Variants in ERC2 observed in about 807,000 individuals in gnomAD.
The protein encoded by ERC2 is ERC protein 2.
A neutral mutation model predicts 114.8 loss-of-function variants in ERC2; 42 were observed. That is an observed-to-expected ratio of 0.37 (90% CI 0.29 to 0.47). ERC2 has a LOEUF of 0.47. Among genes scored for constraint, ERC2 ranks in the 20% least tolerant of loss-of-function variants. The probability of loss-of-function intolerance (pLI) is 0.99; values close to 1 mark genes in which losing one functional copy is unlikely to be tolerated. For missense variants in ERC2, 939 were observed against 1,150.7 expected, an observed-to-expected ratio of 0.82 and a Z score of 2.66; for synonymous variants, 454 against 425.5, an observed-to-expected ratio of 1.07 and a Z score of -0.82.
At chr3:55,623,264 A>G (rs1449966802) in intron 17 of ERC2, among the ~76,000 whole-genome samples, 1 of 152,200 alleles carries the variant, frequency 6.6e-6, no homozygotes, top group Admixed American at 6.5e-5. Context: ...GAATTAATAC[A>G]TGAAGACAGT....
At chr3:55,937,678 G>C (rs1400159527) in intron 13 of ERC2, among the ~76,000 whole-genome samples, 1 of 152,224 alleles carries the variant, frequency 6.6e-6, no homozygotes, top group Non-Finnish European at 1.5e-5. Flanking sequence ...CACATGTTGT[G>C]TAATAAATGA....
intron 14 of ERC2, among the ~76,000 whole-genome samples, chr3:55,848,714 G>T (rs1405190303): frequency 6.6e-6 from 1 of 152,142 alleles, no homozygotes; most frequent in Non-Finnish European, 1.5e-5. Flanking sequence ...CCCTGATTAT[G>T]GAAGGGAAGT....
At chr3:55,610,064 C>CAAAAAAAAAAAAAAAAAAAAAAA (rs36088271) in intron 17 of ERC2, among the ~76,000 whole-genome samples, 10 of 118,704 alleles carry the variant, frequency 8.4e-5, no homozygotes, top group Non-Finnish European at 1.4e-4. Context: ...CAAACACAAA[C>CAAAAAAAAAAAAAAAAAAAAAAA]AAAAAAAAAA....
At chr3:56,398,430 T>A (rs952147635) in intron 2 of ERC2, among the ~76,000 whole-genome samples, 25 of 152,266 alleles carry the variant, frequency 1.6e-4, no homozygotes, top group East Asian at 1.4e-3. Flanking sequence ...GAATTTCAGA[T>A]AAACAACAAA....
intron 1 of ERC2, among the ~76,000 whole-genome samples, chr3:56,451,991 G>C (rs1220118223): frequency 6.6e-6 from 1 of 152,172 alleles, no homozygotes; most frequent in East Asian, 1.9e-4. Flanking sequence ...AACAGACAGG[G>C]AAAATCCAGT....
intron 17 of ERC2, among the ~76,000 whole-genome samples, chr3:55,586,518 A>AATTTC (rs2057611010): frequency 6.6e-6 from 1 of 152,228 alleles, no homozygotes; most frequent in South Asian, 2.1e-4. Flanking sequence ...AGCCATTATT[A>AATTTC]ATTTCTTTTG....
At chr3:56,099,649 G>A (rs1479983055) in intron 6 of ERC2, among the ~76,000 whole-genome samples, 2 of 152,206 alleles carry the variant, frequency 1.3e-5, no homozygotes, top group Non-Finnish European at 2.9e-5. Flanking sequence ...GGCCATGTGC[G>A]AGTTGCCAGA....
At chr3:55,733,542 TCACACACACACA>T (rs58311179) in intron 15 of ERC2, among the ~76,000 whole-genome samples, 8 of 107,800 alleles carry the variant, frequency 7.4e-5, no homozygotes, top group Admixed American at 3.9e-4. Flanking sequence ...TCTCTCTCTC[TCACACACACACA>T]CACACACACA....
At chr3:55,876,339 C>T (rs1273558627) in intron 14 of ERC2, among the ~76,000 whole-genome samples, 1 of 152,002 alleles carries the variant, frequency 6.6e-6, no homozygotes, top group Non-Finnish European at 1.5e-5. Context: ...TGCCCAAGAC[C>T]TGCCCTTCAT....
chr3:55,787,728 C>T (rs905357738), intron 14 of ERC2, among the ~76,000 whole-genome samples: 8 of 152,162 alleles, frequency 5.3e-5, no homozygotes, highest in African/African-American at 1.9e-4. Flanking sequence ...TCAGAACTCA[C>T]CAGAGAAAAT....
chr3:56,352,437 T>C (rs1419782304), intron 2 of ERC2, among the ~76,000 whole-genome samples: 2 of 152,148 alleles, frequency 1.3e-5, no homozygotes, highest in East Asian at 3.9e-4. Context: ...GCTGGAGACA[T>C]TCCCTAAGAA....
chr3:55,778,708 G>C (rs1022734666), intron 14 of ERC2, among the ~76,000 whole-genome samples: 1 of 152,076 alleles, frequency 6.6e-6, no homozygotes, highest in African/African-American at 2.4e-5. Flanking sequence ...GGTACAAAGG[G>C]TATGTATCAT....
At chr3:56,409,879 C>T (rs779440954) in intron 2 of ERC2, among the ~76,000 whole-genome samples, 1 of 152,178 alleles carries the variant, frequency 6.6e-6, no homozygotes, top group Admixed American at 6.5e-5. Flanking sequence ...GGGCTTTCCA[C>T]GCTATCTCAT....
chr3:55,814,533 T>TTATGTAAAG (rs1476718758), intron 14 of ERC2, among the ~76,000 whole-genome samples: 87 of 152,326 alleles, frequency 5.7e-4, no homozygotes, highest in African/African-American at 2.0e-3. Flanking sequence ...CAAATAGGGC[T>TTATGTAAAG]TATGTAAAGA....
chr3:56,345,684 G>C (rs2058279438), intron 2 of ERC2, among the ~76,000 whole-genome samples: 2 of 152,186 alleles, frequency 1.3e-5, no homozygotes, highest in South Asian at 4.1e-4. Context: ...TCAGCTGTAA[G>C]GTTCTGTAGT....
At chr3:56,383,923 G>A (rs1181662228) in intron 2 of ERC2, among the ~76,000 whole-genome samples, 1 of 152,072 alleles carries the variant, frequency 6.6e-6, no homozygotes, top group African/African-American at 2.4e-5. Context: ...GACTACTCTA[G>A]GTGTCACATT....
Position 55,883,319 on chromosome 3 carries a change from A to G in ERC2, c.2564+5070T>C, listed in dbSNP as rs146156505. 3.2e-3 allele frequency among the ~76,000 whole-genome samples: 492 copies of G among 152,332 alleles called. 8 individuals are homozygous for G. Among genetic ancestry groups the G allele is most frequent in the East Asian group, 0.014 (72 of 5,186 alleles). ...TTGGCATTTAAAATAAGAGAAGCCA[A>G]AGAAGAATGGTAGGAGAAAATGTAG... On this transcript the variant is annotated intron_variant, in intron 14 of 17. Transcript: ENST00000288221.
intron 3 of ERC2, among the ~76,000 whole-genome samples, chr3:56,220,918 A>C (rs1016994539): frequency 1.3e-5 from 2 of 152,210 alleles, no homozygotes; most frequent in African/African-American, 4.8e-5. Flanking sequence ...AAAAGAAAAA[A>C]AAGATGAATG....
intron 12 of ERC2, among the ~76,000 whole-genome samples, chr3:55,969,004 T>C (rs2068957807): frequency 6.6e-6 from 1 of 152,152 alleles, no homozygotes; most frequent in Non-Finnish European, 1.5e-5. Flanking sequence ...AAATCCTTGC[T>C]TATCAAGATA....
Sources: allele counts gnomAD v4.1 joint callset (sites outside exome capture counted in the v4.1 genomes callset), GRCh38; gene constraint gnomAD v4.1.1; transcripts MANE v1.5; gene names NCBI Gene and HGNC (gene_info 2026-07-23, HGNC 2026-07-21).